INPP5B: variants seen among roughly 807,000 people sequenced by gnomAD.
INPP5B encodes inositol polyphosphate-5-phosphatase B.
INPP5B carries 90 observed loss-of-function variants against 118.5 expected under a neutral mutation model. The observed-to-expected ratio is 0.76, with a 90% CI of 0.64 to 0.90. The LOEUF is 0.90. INPP5B is among the 40% of genes least tolerant of loss of function. The probability of loss-of-function intolerance (pLI) is 0.00; values close to 1 mark genes in which losing one functional copy is unlikely to be tolerated. For missense variants in INPP5B, 984 were observed against 1,125.6 expected (o/e 0.87, Z 1.80); for synonymous variants, 385 against 418.9 (o/e 0.92, Z 0.99).
At chr1:37,879,636 T>C (rs1474082071) in intron 15 of INPP5B, among the ~76,000 whole-genome samples, 1 of 151,962 alleles carries the variant, frequency 6.6e-6, no homozygotes, top group Non-Finnish European at 1.5e-5. Context: ...CACATGCCTG[T>C]AATCCTAGCT....
intron 7 of INPP5B, among the ~76,000 whole-genome samples, chr1:37,925,997 A>T (rs1170082884): frequency 2.6e-5 from 4 of 152,182 alleles, no homozygotes; most frequent in African/African-American, 9.6e-5. Flanking sequence ...AACAAAAGCA[A>T]ATTTATTTTC....
intron 16 of INPP5B, among the ~76,000 whole-genome samples, chr1:37,877,338 T>C (rs544225040): frequency 6.7e-6 from 1 of 149,318 alleles, no homozygotes; most frequent in Admixed American, 6.7e-5. Context: ...CGAGACTCCA[T>C]CTCAACAGAA....
intron 6 of INPP5B, 102 bp from the exon 7 acceptor site, chr1:37,932,155 A>G: frequency 2.1e-6 from 2 of 960,072 alleles, no homozygotes; most frequent in South Asian, 2.3e-5. Flanking sequence ...TCTCCCGCGC[A>G]CAGAAGGGTT....
rs143656138 is a variant in INPP5B, at chr1:37,873,065, G to A, written c.2052C>T (p.His684=). The part of the protein sequence containing the change: ...EDKIEDILVL[H]LDRGKDYFLS... ...AAAAGTAATCCTTTCCCCTGTCCAA[G>A]TGCAGAACCAGAATGTCCTCAATTT... Residue 684 remains histidine, a synonymous_variant, in exon 19 of 24, where the codon CAC becomes CAT. Transcript: ENST00000373024. The A allele has an allele frequency of 7.4e-6, 12 of 1,614,146 alleles. No homozygotes were observed. Among genetic ancestry groups the A allele is most frequent in the Non-Finnish European group, 1.0e-5 (12 of 1,180,020 alleles).
At chr1:37,863,454 G>A (rs543358039) in intron 23 of INPP5B, among the ~76,000 whole-genome samples, 31 of 152,274 alleles carry the variant, frequency 2.0e-4, no homozygotes, top group Admixed American at 1.0e-3. Flanking sequence ...GGCGGAGGAT[G>A]CAGTGAGCTG....
chr1:37,919,275 A>G (rs566707673), intron 7 of INPP5B, among the ~76,000 whole-genome samples: 2 of 152,136 alleles, frequency 1.3e-5, no homozygotes, highest in Non-Finnish European at 2.9e-5. Context: ...CTGAGCACCT[A>G]TTAGGTCTAG....
intron 7 of INPP5B, among the ~76,000 whole-genome samples, chr1:37,919,814 G>A (rs1644992041): frequency 6.6e-6 from 1 of 152,018 alleles, no homozygotes; most frequent in Non-Finnish European, 1.5e-5. Flanking sequence ...GTGGTGGCAG[G>A]CGCCTATAAT....
Position 37,922,855 on chromosome 1 carries a change from T to C in INPP5B, c.532+9058A>G, listed in dbSNP as rs550377286. 2.6e-5 allele frequency among the ~76,000 whole-genome samples: 4 copies of C among 152,342 alleles called. No homozygotes were observed. The South Asian group carries it at 8.3e-4, about 32-fold the overall frequency. On this transcript the variant is annotated intron_variant, in intron 7 of 23. Transcript: ENST00000373024. ...AGGACTAAATATGACCAGTTTAGCT[T>C]TCAAGGAGGAAGACTACAGTGCAAT...
At chr1:37,906,897 T>C (rs1484870112) in intron 7 of INPP5B, among the ~76,000 whole-genome samples, 3 of 151,420 alleles carry the variant, frequency 2.0e-5, no homozygotes, top group Non-Finnish European at 2.9e-5. Context: ...AAAAAACCTA[T>C]GGTTATTAGG....
At chr1:37,896,009 G>C (rs1327939262) in intron 7 of INPP5B, among the ~76,000 whole-genome samples, 2 of 149,286 alleles carry the variant, frequency 1.3e-5, no homozygotes, top group African/African-American at 5.0e-5. Flanking sequence ...CTGCCTGGCT[G>C]CCCAGTCTGG....
intron 7 of INPP5B, chr1:37,929,321 T>G (rs1645359220): frequency 6.6e-6 from 1 of 152,148 alleles, no homozygotes; most frequent in African/African-American, 2.4e-5. Context: ...GGTTTCGCCA[T>G]GTTGGCCAGG....
At chr1:37,932,548 T>C (rs1645529744) in intron 6 of INPP5B, among the ~76,000 whole-genome samples, 1 of 152,118 alleles carries the variant, frequency 6.6e-6, no homozygotes, top group South Asian at 2.1e-4. Flanking sequence ...TTTTGTATTT[T>C]AGTAGAGACG....
chr1:37,945,398 A>G (rs1368250851), intron 3 of INPP5B, among the ~76,000 whole-genome samples: 1 of 152,132 alleles, frequency 6.6e-6, no homozygotes, highest in Non-Finnish European at 1.5e-5. Flanking sequence ...ACCCCACTGC[A>G]CTCCAGCCTG....
chr1:37,908,970 T>C (rs1207282887), intron 7 of INPP5B, among the ~76,000 whole-genome samples: 1 of 152,160 alleles, frequency 6.6e-6, no homozygotes, highest in Non-Finnish European at 1.5e-5. Flanking sequence ...TTAAAACCTC[T>C]TCAACTCACA....
chr1:37,917,187 G>C (rs1644895226), intron 7 of INPP5B, among the ~76,000 whole-genome samples: 1 of 148,880 alleles, frequency 6.7e-6, no homozygotes, highest in African/African-American at 2.5e-5. Context: ...TACTCGGGAG[G>C]CTGAGGCAGG....
chr1:37,886,969 C>T lies in INPP5B; in HGVS notation c.1050G>A (p.Leu350=), dbSNP rs781631488. 6.2e-7 allele frequency: 1 copy of T among 1,614,178 alleles called. No individual in the cohort carries two copies. Among genetic ancestry groups the T allele is most frequent in the Non-Finnish European group, 8.5e-7 (1 of 1,180,034 alleles). Residue 350 remains leucine, a synonymous_variant, in exon 12 of 24, where the codon CTG becomes CTA. Transcript: ENST00000373024. ...KLIRLVGIML[L]LYVKQEHAAY... is the part of the protein sequence containing the mutation. ...CTGCATGCTCCTGTTTGACATATAA[C>T]AGCAGCATAATCCCAACCAGTCGGA...
intron 7 of INPP5B, among the ~76,000 whole-genome samples, chr1:37,898,070 CAT>C (rs1340883648): frequency 6.6e-6 from 1 of 152,112 alleles, no homozygotes; most frequent in Non-Finnish European, 1.5e-5. Context: ...GTGATACATC[CAT>C]ATAATAAAAT....
intron 22 of INPP5B, chr1:37,864,758 T>G: frequency 1.7e-5 from 3 of 178,940 alleles, no homozygotes; most frequent in East Asian, 1.5e-4. Flanking sequence ...AGAAGGGAAA[T>G]AGTGAAGTAA....
chr1:37,900,009 C>T (rs1018283891), intron 7 of INPP5B, among the ~76,000 whole-genome samples: 4 of 151,766 alleles, frequency 2.6e-5, no homozygotes, highest in East Asian at 1.9e-4. Context: ...CCACTGTGCC[C>T]GGCTGAACTA....
Sources: gnomAD v4.1 joint callset for allele counts (sites outside exome capture counted in the v4.1 genomes callset) on GRCh38, gnomAD v4.1.1 for gene constraint, MANE v1.5 for transcripts, NCBI Gene and HGNC (gene_info 2026-07-23, HGNC 2026-07-21) for gene names.